Variants in HCN1 observed in about 807,000 individuals in gnomAD.
HCN1 encodes the protein potassium/sodium hyperpolarization-activated cyclic nucleotide-gated channel 1.
In HCN1, 13 loss-of-function variants were observed where a neutral mutation model predicts 78.9. The ratio of observed to expected loss-of-function variants is 0.16; its 90% CI spans 0.11 to 0.26. The LOEUF is 0.26. HCN1 is among the 10% of genes least tolerant of loss of function. The pLI is 1.00. For synonymous variants in HCN1, 552 were observed against 455.5 expected (o/e 1.21, Z -2.70); for missense variants, 810 against 1,154.3 (o/e 0.70, Z 4.32).
At position 45,367,206 on chromosome 5, in the gene HCN1, A is replaced by G. The variant is rs535998231; in HGVS notation, c.1231-13960T>C. Among the ~76,000 whole-genome samples the G allele has an allele frequency of 4.6e-5, 7 of 151,936 alleles. No homozygotes were observed. The South Asian group carries it at 1.0e-3, about 22-fold the overall frequency. On this transcript the variant is annotated intron_variant, in intron 4 of 7. Transcript: ENST00000303230. ...ATCGAGTCTTATTTAAGTAAAATCC[A>G]TATTGGTGAATATCAATGATTGATT...
chr5:45,695,758 G>C lies in HCN1; in HGVS notation c.336C>G (p.Arg112=). The change falls in exon 1 of 8, where the codon CGC becomes CGG. Residue 112 remains arginine, a synonymous_variant. Transcript: ENST00000303230. ...LQPGVNKFSL[R]MFGSQKAVEK... is the part of the protein sequence containing the mutation. ...CCACCGCCTTCTGGCTCCCAAACAT[G>C]CGGAGGGAGAATTTGTTGACCCCGG... is the stretch of plus-strand genomic sequence containing the variant. 6.2e-7 allele frequency: 1 copy of C among 1,612,334 alleles called. No homozygotes were observed. The highest frequency in any genetic ancestry group is 8.5e-7 in the Non-Finnish European group (1 of 1,179,646).
intron 6 of HCN1, among the ~76,000 whole-genome samples, chr5:45,293,402 C>T (rs1310609667): frequency 6.6e-6 from 1 of 151,926 alleles, no homozygotes; most frequent in African/African-American, 2.4e-5. Flanking sequence ...ACTTGTGAGG[C>T]TTAGGCGGGA....
At chr5:45,274,731 A>T (rs760814742) in intron 6 of HCN1, among the ~76,000 whole-genome samples, 2 of 152,168 alleles carry the variant, frequency 1.3e-5, no homozygotes, top group African/African-American at 2.4e-5. Flanking sequence ...TTGTTCATAA[A>T]CTAATCATAC....
At position 45,579,433 on chromosome 5, in the gene HCN1, T is replaced by A. The variant is rs1744013714; in HGVS notation, c.849+65752A>T. 2.6e-5 allele frequency among the ~76,000 whole-genome samples: 4 copies of A among 152,036 alleles called. No individual in the cohort carries two copies. The South Asian group carries it at 8.3e-4, about 31-fold the overall frequency. ...CTTGTCTCTTGAGACACACAGTAAA[T>A]GAACCTCTTCTCCTTTTCCCTTTGG... On this transcript the variant is annotated intron_variant, in intron 2 of 7. Transcript: ENST00000303230.
intron 2 of HCN1, among the ~76,000 whole-genome samples, chr5:45,516,088 T>G (rs977807330): frequency 2.0e-5 from 3 of 151,998 alleles, no homozygotes; most frequent in African/African-American, 7.2e-5. Context: ...ATCATATATC[T>G]CAACCAGTGT....
At chr5:45,407,231 C>G (rs930934017) in intron 3 of HCN1, among the ~76,000 whole-genome samples, 1 of 152,148 alleles carries the variant, frequency 6.6e-6, no homozygotes, top group Non-Finnish European at 1.5e-5. Context: ...ATTCCTATCT[C>G]CTAGTGATCC....
intron 2 of HCN1, among the ~76,000 whole-genome samples, chr5:45,476,522 A>T (rs1435106482): frequency 6.6e-6 from 1 of 152,150 alleles, no homozygotes; most frequent in East Asian, 1.9e-4. Flanking sequence ...CTATAATTTT[A>T]TCCAGCTTCT....
At chr5:45,335,718 T>C (rs972556477) in intron 5 of HCN1, among the ~76,000 whole-genome samples, 1 of 152,146 alleles carries the variant, frequency 6.6e-6, no homozygotes, top group African/African-American at 2.4e-5. Flanking sequence ...AATTCTACTG[T>C]GTACTTACTA....
chr5:45,291,107 TA>T lies in HCN1; in HGVS notation c.1618+12491del, dbSNP rs1300695611. ...TTATTCAGCCACCGAGGTCATATCTTAGACTTTGTTATCACCAATAGCTTAA... is the reference window on the plus strand; with the variant it reads ...TTATTCAGCCACCGAGGTCATATCTTGACTTTGTTATCACCAATAGCTTAA... On this transcript the variant is annotated intron_variant, in intron 6 of 7. Coordinates refer to ENST00000303230, the MANE Select transcript of HCN1 (RefSeq NM_021072.4). 2.0e-5 allele frequency among the ~76,000 whole-genome samples: 3 copies of T among 152,060 alleles called. 1 individual carries two copies. In the South Asian group the frequency reaches 6.2e-4, roughly 32 times the overall value.
At chr5:45,669,513 T>C (rs557110796) in intron 1 of HCN1, among the ~76,000 whole-genome samples, 1 of 151,770 alleles carries the variant, frequency 6.6e-6, no homozygotes, top group East Asian at 1.9e-4. Flanking sequence ...GGAAACAGCT[T>C]TAGGAATTGT....
chr5:45,683,563 G>C (rs1254012510), intron 1 of HCN1, among the ~76,000 whole-genome samples: 1 of 151,876 alleles, frequency 6.6e-6, no homozygotes, highest in Non-Finnish European at 1.5e-5. Flanking sequence ...CAGGTAGCTA[G>C]CCTCAAAACT....
At chr5:45,610,826 A>G (rs1380044676) in intron 2 of HCN1, among the ~76,000 whole-genome samples, 4 of 151,942 alleles carry the variant, frequency 2.6e-5, no homozygotes, top group Admixed American at 2.6e-4. Context: ...AGGCATGTCC[A>G]TAAAACAATT....
intron 5 of HCN1, among the ~76,000 whole-genome samples, chr5:45,324,450 A>G (rs1400253494): frequency 6.6e-6 from 1 of 152,004 alleles, no homozygotes; most frequent in Non-Finnish European, 1.5e-5. Context: ...AACCACAATG[A>G]GATACCATCT....
intron 2 of HCN1, among the ~76,000 whole-genome samples, chr5:45,478,894 C>A (rs551344038): frequency 2.0e-5 from 3 of 151,984 alleles, no homozygotes; most frequent in Non-Finnish European, 4.4e-5. Flanking sequence ...GAGGCCGAGG[C>A]GGGCAGATCA....
intron 4 of HCN1, among the ~76,000 whole-genome samples, chr5:45,362,154 TTG>T (rs200176463): frequency 0.056 from 7,950 of 141,658 alleles, 312 homozygotes; most frequent in Admixed American, 0.13. Flanking sequence ...GTGTGTGTGT[TTG>T]TGTGTGTGTG....
chr5:45,592,275 G>T (rs1285431241), intron 2 of HCN1, among the ~76,000 whole-genome samples: 4 of 152,006 alleles, frequency 2.6e-5, no homozygotes, highest in African/African-American at 9.7e-5. Context: ...AAAGTATGCG[G>T]AGTTCATAAT....
chr5:45,281,158 C>G (rs1745155564), intron 6 of HCN1, among the ~76,000 whole-genome samples: 1 of 152,022 alleles, frequency 6.6e-6, no homozygotes, highest in Non-Finnish European at 1.5e-5. Flanking sequence ...GTGTCCCCAC[C>G]CAAATCTCAT....
Position 45,696,225 on chromosome 5 carries a change from G to A in HCN1, c.-132C>T. Reference sequence around the variant, plus strand: ...CCCAGCTGCCCGTCGCGGCGGCGGCGGCGGCGGCGGCGGCTGCTGCTTCCC... The same window carrying A: ...CCCAGCTGCCCGTCGCGGCGGCGGCAGCGGCGGCGGCGGCTGCTGCTTCCC... On this transcript the variant is annotated 5_prime_UTR_variant, in exon 1 of 8. Transcript: ENST00000303230. The A allele has an allele frequency of 3.8e-6, 1 of 260,164 alleles. No individual in the cohort carries two copies. Among genetic ancestry groups the A allele is most frequent in the Non-Finnish European group, 6.2e-6 (1 of 161,086 alleles). The allele number at this position is 260,164 out of a possible 1,614,324, so 16.1% of individuals were successfully genotyped here.
Position 45,324,188 on chromosome 5 carries a change from C to T in HCN1, c.1378-20349G>A, listed in dbSNP as rs993042942. On this transcript the variant is annotated intron_variant, in intron 5 of 7. Transcript: ENST00000303230. Reference sequence around the variant, plus strand: ...ATTAAACTAAAGAGCTTCTGCACAGCAAAAGAAACCACAATCTGAGTGAAG... The same window carrying T: ...ATTAAACTAAAGAGCTTCTGCACAGTAAAAGAAACCACAATCTGAGTGAAG... Among the ~76,000 whole-genome samples, 104 of 151,762 alleles carry T rather than the reference C, an allele frequency of 6.9e-4. 1 individual carries two copies. The highest frequency in any genetic ancestry group is 2.4e-3 in the African/African-American group (101 of 41,352).
Sources: allele counts gnomAD v4.1 joint callset (sites outside exome capture counted in the v4.1 genomes callset), GRCh38; gene constraint gnomAD v4.1.1; transcripts MANE v1.5; gene names NCBI Gene and HGNC (gene_info 2026-07-23, HGNC 2026-07-21).